The following CNTNAP5 variants were observed in gnomAD, a reference collection of about 807,000 sequenced individuals.
CNTNAP5 encodes contactin associated protein family member 5, also known as contactin-associated protein-like 5.
Under a neutral mutation model 150.2 loss-of-function variants are expected in CNTNAP5, and 72 were observed. The ratio of observed to expected loss-of-function variants is 0.48; its 90% CI spans 0.40 to 0.58. The LOEUF (loss-of-function observed/expected upper bound fraction) is 0.58, where lower values mean the gene tolerates loss of function less well. CNTNAP5 is among the 20% of genes least tolerant of loss of function. CNTNAP5 has a pLI of 0.00. For synonymous variants in CNTNAP5, 672 were observed against 619.8 expected, an observed-to-expected ratio of 1.08 and a Z score of -1.25; for missense variants, 1,636 against 1,626.2, an observed-to-expected ratio of 1.01 and a Z score of -0.10.
chr2:124,116,761 A>G (rs1162033216), intron 1 of CNTNAP5, among the ~76,000 whole-genome samples: 3 of 152,218 alleles, frequency 2.0e-5, no homozygotes, highest in Non-Finnish European at 4.4e-5. Flanking sequence ...GCATTAAAGG[A>G]GTGGACATCC....
chr2:124,582,264 C>G (rs1172659943), intron 11 of CNTNAP5, among the ~76,000 whole-genome samples: 1 of 152,012 alleles, frequency 6.6e-6, no homozygotes, highest in Non-Finnish European at 1.5e-5. Context: ...CACAAAGCAG[C>G]CTCATCGGAC....
intron 12 of CNTNAP5, among the ~76,000 whole-genome samples, chr2:124,632,279 A>G (rs1045356962): frequency 2.0e-5 from 3 of 152,226 alleles, no homozygotes; most frequent in African/African-American, 7.2e-5. Context: ...ACTATTCACA[A>G]TAGCAAAGAC....
chr2:124,444,761 G>A (rs949634572), intron 5 of CNTNAP5, among the ~76,000 whole-genome samples: 8 of 152,278 alleles, frequency 5.3e-5, no homozygotes, highest in Non-Finnish European at 8.8e-5. Context: ...GCACTCAGCC[G>A]CTGGAAGTCC....
intron 13 of CNTNAP5, among the ~76,000 whole-genome samples, chr2:124,672,409 T>C (rs774438057): frequency 5.3e-5 from 8 of 152,164 alleles, no homozygotes; most frequent in Non-Finnish European, 8.8e-5. Context: ...GAAATTTTTG[T>C]AAAATTTTTT....
chr2:124,674,511 CTT>C (rs1491067329), intron 13 of CNTNAP5, among the ~76,000 whole-genome samples: 1 of 83,798 alleles, frequency 1.2e-5, no homozygotes, highest in Non-Finnish European at 2.6e-5. Context: ...CTTTCTTTCT[CTT>C]TCTTTCTTTC....
chr2:124,626,815 T>A (rs1017667688), intron 12 of CNTNAP5, among the ~76,000 whole-genome samples: 1 of 151,864 alleles, frequency 6.6e-6, no homozygotes, highest in African/African-American at 2.4e-5. Context: ...TAGCTTGAAA[T>A]CCCCGCTGCC....
At chr2:124,510,700 A>G (rs1008044007) in intron 8 of CNTNAP5, among the ~76,000 whole-genome samples, 1 of 151,804 alleles carries the variant, frequency 6.6e-6, no homozygotes, top group Non-Finnish European at 1.5e-5. Context: ...TTCTAAGAAC[A>G]TTGCCCTGCT....
At chr2:124,072,717 A>G (rs1462048198) in intron 1 of CNTNAP5, among the ~76,000 whole-genome samples, 1 of 152,140 alleles carries the variant, frequency 6.6e-6, no homozygotes, top group East Asian at 1.9e-4. Flanking sequence ...AAAAGAGGAC[A>G]CCAAAAAGTG....
In CNTNAP5 at chr2:124,865,399, T is replaced by C; in HGVS notation, c.3311T>C (p.Leu1104Ser). 2 of 1,552,774 alleles carry C rather than the reference T, an allele frequency of 1.3e-6. No individual in the cohort carries two copies. Among genetic ancestry groups the C allele is most frequent in the Non-Finnish European group, 1.7e-6 (2 of 1,147,336 alleles). ...DNFANRRMHH[L>S]KINREGRELT... ...TTTGCTAACAGAAGGATGCACCACT[T>C]GAAGATTAACCGAGAGGGAAGAGAG... The change falls in exon 20 of 24, where the codon TTG (leucine) becomes TCG (serine). Residue 1104 changes from leucine (L) to serine (S), a missense_variant. Leu to Ser is a moderately radical substitution (Grantham distance 145). Coordinates refer to ENST00000682447, the MANE Select transcript of CNTNAP5 (RefSeq NM_001367498.1).
At chr2:124,540,859 T>C (rs771680980) in intron 10 of CNTNAP5, among the ~76,000 whole-genome samples, 9 of 152,054 alleles carry the variant, frequency 5.9e-5, no homozygotes, top group Non-Finnish European at 1.3e-4. Context: ...AATAAACATA[T>C]ATGCTCCCAA....
At chr2:124,686,860 A>G (rs995024195) in intron 13 of CNTNAP5, among the ~76,000 whole-genome samples, 7 of 152,120 alleles carry the variant, frequency 4.6e-5, no homozygotes, top group Non-Finnish European at 1.0e-4. Context: ...TTGACTTCCG[A>G]TACAAGTTTT....
At chr2:124,369,298 G>T (rs529726283) in intron 3 of CNTNAP5, among the ~76,000 whole-genome samples, 3 of 152,250 alleles carry the variant, frequency 2.0e-5, no homozygotes, top group Non-Finnish European at 4.4e-5. Context: ...AAGAGAACTT[G>T]GGTAGCAACC....
chr2:124,288,669 C>T (rs1461602200), intron 3 of CNTNAP5, among the ~76,000 whole-genome samples: 3 of 152,122 alleles, frequency 2.0e-5, no homozygotes, highest in Admixed American at 6.6e-5. Context: ...TTGAAACCCC[C>T]GTCTCTCAAG....
chr2:124,127,453 A>G (rs570636423), intron 1 of CNTNAP5, among the ~76,000 whole-genome samples: 2 of 152,212 alleles, frequency 1.3e-5, no homozygotes, highest in Non-Finnish European at 1.5e-5. Context: ...ATGGATAGGA[A>G]GAATCAATAT....
chr2:124,149,560 C>T (rs1684353585), intron 1 of CNTNAP5, among the ~76,000 whole-genome samples: 1 of 152,108 alleles, frequency 6.6e-6, no homozygotes, highest in African/African-American at 2.4e-5. Flanking sequence ...ACACAATTTT[C>T]TGCATTACTT....
chr2:124,884,629 C>T (rs1678041392), intron 21 of CNTNAP5, among the ~76,000 whole-genome samples: 1 of 151,874 alleles, frequency 6.6e-6, no homozygotes, highest in Non-Finnish European at 1.5e-5. Context: ...GGGACAGGCA[C>T]ATTTCCTATA....
intron 1 of CNTNAP5, among the ~76,000 whole-genome samples, chr2:124,106,398 A>G (rs377272502): frequency 6.6e-6 from 1 of 152,184 alleles, no homozygotes; most frequent in East Asian, 1.9e-4. Context: ...TAGCACTTTA[A>G]GCCCGACCTC....
At chr2:124,434,070 A>G (rs1692461602) in intron 4 of CNTNAP5, among the ~76,000 whole-genome samples, 1 of 152,004 alleles carries the variant, frequency 6.6e-6, no homozygotes. Flanking sequence ...AATTATATCT[A>G]TTTTTCATCT....
chr2:124,084,882 T>C (rs992024675), intron 1 of CNTNAP5, among the ~76,000 whole-genome samples: 4 of 151,236 alleles, frequency 2.6e-5, no homozygotes, highest in Admixed American at 2.0e-4. Flanking sequence ...TGTCTAGAGA[T>C]TTTTTTGGGG....
Sources: allele counts gnomAD v4.1 joint callset (sites outside exome capture counted in the v4.1 genomes callset), GRCh38; gene constraint gnomAD v4.1.1; transcripts MANE v1.5; gene names NCBI Gene and HGNC (gene_info 2026-07-23, HGNC 2026-07-21).